The following CORO2A variants were observed in gnomAD, a reference collection of about 807,000 sequenced individuals.
The protein encoded by CORO2A is coronin-2A.
In CORO2A, 47 loss-of-function variants were observed where a neutral mutation model predicts 62.4. The observed-to-expected ratio is 0.75, with a 90% CI of 0.60 to 0.96. The LOEUF is 0.96. Among genes scored for constraint, CORO2A ranks in the 40% least tolerant of loss-of-function variants. The probability of loss-of-function intolerance (pLI) is 0.00; values close to 1 mark genes in which losing one functional copy is unlikely to be tolerated. For synonymous variants in CORO2A, 273 were observed against 268.9 expected (o/e 1.02, Z -0.15); for missense variants, 610 against 684.1 (o/e 0.89, Z 1.21).
At chr9:98,174,257 C>T (rs142834893) in intron 1 of CORO2A, among the ~76,000 whole-genome samples, 1 of 152,308 alleles carries the variant, frequency 6.6e-6, no homozygotes, top group East Asian at 1.9e-4. Flanking sequence ...CTCTGTGCCT[C>T]AGTTTCCTAA....
At chr9:98,192,140 A>C (rs1488624919) in intron 1 of CORO2A, among the ~76,000 whole-genome samples, 1 of 152,142 alleles carries the variant, frequency 6.6e-6, no homozygotes, top group Non-Finnish European at 1.5e-5. Context: ...CGCAGCCAAG[A>C]GGGGGAGGGT....
At chr9:98,190,775 T>C (rs980324738) in intron 1 of CORO2A, among the ~76,000 whole-genome samples, 10 of 152,196 alleles carry the variant, frequency 6.6e-5, no homozygotes, top group African/African-American at 2.4e-4. Context: ...TATACATGTG[T>C]CGAGATGACA....
chr9:98,191,190 G>C (rs1275838441), intron 1 of CORO2A, among the ~76,000 whole-genome samples: 1 of 152,252 alleles, frequency 6.6e-6, no homozygotes. Flanking sequence ...TGGAGAAGAG[G>C]CCCCATGGGG....
intron 1 of CORO2A, among the ~76,000 whole-genome samples, chr9:98,180,779 C>T (rs1455831263): frequency 6.6e-6 from 1 of 152,108 alleles, no homozygotes; most frequent in Non-Finnish European, 1.5e-5. Flanking sequence ...TCAGTAAAAA[C>T]AGGTTCAGGC....
At chr9:98,176,593 T>A (rs1019069866) in intron 1 of CORO2A, among the ~76,000 whole-genome samples, 2 of 152,132 alleles carry the variant, frequency 1.3e-5, no homozygotes, top group African/African-American at 4.8e-5. Flanking sequence ...ATGGGATGGC[T>A]CCACTGGGGG....
At chr9:98,139,454 C>T (rs951137586) in intron 2 of CORO2A, among the ~76,000 whole-genome samples, 1 of 152,062 alleles carries the variant, frequency 6.6e-6, no homozygotes, top group African/African-American at 2.4e-5. Context: ...ATGGTGAAAC[C>T]CCACCTCTAC....
intron 2 of CORO2A, among the ~76,000 whole-genome samples, chr9:98,154,471 T>C (rs1040528887): frequency 2.6e-5 from 4 of 151,618 alleles, no homozygotes; most frequent in African/African-American, 9.7e-5. Context: ...AAATTACCCA[T>C]AATTGCTACC....
At chr9:98,173,936 G>C (rs776433494) in intron 1 of CORO2A, among the ~76,000 whole-genome samples, 10 of 152,094 alleles carry the variant, frequency 6.6e-5, no homozygotes, top group Non-Finnish European at 1.2e-4. Context: ...GACCAACATG[G>C]AGAAACCCCG....
intron 1 of CORO2A, among the ~76,000 whole-genome samples, chr9:98,160,549 G>A (rs556989264): frequency 6.6e-6 from 1 of 152,170 alleles, no homozygotes; most frequent in Non-Finnish European, 1.5e-5. Flanking sequence ...GGGTACTGGG[G>A]GTCCCCTTGG....
At chr9:98,125,151 G>A (rs1348810347) in intron 11 of CORO2A, among the ~76,000 whole-genome samples, 2 of 152,194 alleles carry the variant, frequency 1.3e-5, no homozygotes. Context: ...TGAAATAGAG[G>A]AAAGGATGCC....
intron 2 of CORO2A, among the ~76,000 whole-genome samples, chr9:98,140,448 T>G (rs969875754): frequency 6.6e-6 from 1 of 151,952 alleles, no homozygotes; most frequent in Non-Finnish European, 1.5e-5. Context: ...ACTTGTTTTT[T>G]TTTTTTTTAA....
chr9:98,157,684 G>C, intron 1 of CORO2A, 24 bp from the exon 2 acceptor site: 1 of 1,599,296 alleles, frequency 6.3e-7, no homozygotes, highest in East Asian at 2.2e-5. Flanking sequence ...ATGGGACAAA[G>C]GGTATGAGGC....
chr9:98,169,242 CA>C (rs1828001934), intron 1 of CORO2A, among the ~76,000 whole-genome samples: 2 of 152,224 alleles, frequency 1.3e-5, no homozygotes, highest in African/African-American at 4.8e-5. Context: ...AGCACAGATG[CA>C]TCTCTGCAGG....
At chr9:98,148,394 C>CAAA (rs34087370) in intron 2 of CORO2A, among the ~76,000 whole-genome samples, 187 of 103,994 alleles carry the variant, frequency 1.8e-3, no homozygotes, top group African/African-American at 6.8e-3. Flanking sequence ...GACTCCATCT[C>CAAA]AAAAAAAAAA....
At position 98,124,603 on chromosome 9, in the gene CORO2A, A is replaced by G. The variant is rs1207530852; in HGVS notation, c.*171T>C. On this transcript the variant is annotated 3_prime_UTR_variant, in exon 12 of 12. Transcript: ENST00000375077. ...AAACTGTTGTTGCAAGAAGGCAAACAGAAAAACGGCACCATGTCCCACTGG... is the reference window on the plus strand; with the variant it reads ...AAACTGTTGTTGCAAGAAGGCAAACGGAAAAACGGCACCATGTCCCACTGG... 1.6e-6 allele frequency: 1 copy of G among 627,494 alleles called. No individual in the cohort carries two copies. Among genetic ancestry groups the G allele is most frequent in the African/African-American group, 1.9e-5 (1 of 54,052 alleles). 38.9% of individuals were successfully genotyped at this position (627,494 alleles called of 1,614,324 possible).
intron 7 of CORO2A, among the ~76,000 whole-genome samples, chr9:98,130,572 T>C (rs754166177): frequency 2.0e-5 from 3 of 152,254 alleles, no homozygotes; most frequent in Non-Finnish European, 2.9e-5. Flanking sequence ...ACATTTCTGG[T>C]TGTCATAATG....
chr9:98,135,343 G>C (rs1368984147), intron 3 of CORO2A, among the ~76,000 whole-genome samples: 1 of 152,202 alleles, frequency 6.6e-6, no homozygotes. Context: ...ACCCAGGGTA[G>C]AGCCTCAAAT....
chr9:98,150,607 T>C (rs10985208), intron 2 of CORO2A, among the ~76,000 whole-genome samples: 29,321 of 152,148 alleles, frequency 0.19, 3,185 homozygotes, highest in African/African-American at 0.29. Flanking sequence ...ATTTTCTTTA[T>C]ATCAGTTGTT....
intron 1 of CORO2A, among the ~76,000 whole-genome samples, chr9:98,181,619 G>C (rs1828179011): frequency 6.6e-6 from 1 of 152,066 alleles, no homozygotes; most frequent in African/African-American, 2.4e-5. Flanking sequence ...GATCTGAGCT[G>C]CACACATCAC....
Sources: gnomAD v4.1 joint callset for allele counts (sites outside exome capture counted in the v4.1 genomes callset) on GRCh38, gnomAD v4.1.1 for gene constraint, MANE v1.5 for transcripts, NCBI Gene and HGNC (gene_info 2026-07-23, HGNC 2026-07-21) for gene names.